Variants in FHIT observed in about 807,000 individuals in gnomAD.
The protein encoded by FHIT is bis(5'-adenosyl)-triphosphatase.
In FHIT, 19 loss-of-function variants were observed where a neutral mutation model predicts 17.9. That is an observed-to-expected ratio of 1.06 (90% CI 0.74 to 1.56). The LOEUF is 1.56. Ranked by LOEUF, FHIT falls within the 40% of genes most tolerant of loss-of-function variation. FHIT has a pLI of 0.00. For synonymous variants in FHIT, 81 were observed against 69.7 expected, an observed-to-expected ratio of 1.16 and a Z score of -0.81; for missense variants, 248 against 189.2, an observed-to-expected ratio of 1.31 and a Z score of -1.82.
intron 4 of FHIT, among the ~76,000 whole-genome samples, chr3:60,608,344 C>A (rs782206816): frequency 1.3e-5 from 2 of 152,118 alleles, no homozygotes; most frequent in African/African-American, 4.8e-5. Context: ...TCCTCAGGTG[C>A]TATGGCTGTT....
intron 3 of FHIT, among the ~76,000 whole-genome samples, chr3:60,855,351 A>G (rs1186681389): frequency 3.3e-5 from 5 of 152,108 alleles, no homozygotes; most frequent in African/African-American, 1.2e-4. Flanking sequence ...CCTTTGGTAA[A>G]AAGTCATAGT....
intron 5 of FHIT, among the ~76,000 whole-genome samples, chr3:60,442,138 G>C (rs1353026730): frequency 6.6e-6 from 1 of 151,874 alleles, no homozygotes; most frequent in Non-Finnish European, 1.5e-5. Context: ...GGGATTGCAG[G>C]CATAAGCCAC....
At chr3:61,106,808 G>A (rs1289169145) in intron 2 of FHIT, among the ~76,000 whole-genome samples, 2 of 152,078 alleles carry the variant, frequency 1.3e-5, no homozygotes, top group African/African-American at 2.4e-5. Context: ...CTACCGGCAT[G>A]AGCCACCACG....
rs138926939 is a variant in FHIT, at chr3:60,214,745, C to T, written c.104-200593G>A. 6.0e-3 allele frequency among the ~76,000 whole-genome samples: 915 copies of T among 152,202 alleles called. 6 individuals are homozygous for T. Among genetic ancestry groups the T allele is most frequent in the African/African-American group, 0.021 (863 of 41,524 alleles). On this transcript the variant is annotated intron_variant, in intron 5 of 9. Transcript: ENST00000492590. ...TTCATTGCAGTACTATTCACAATAG[C>T]AAAGACACGGAATCAACCAAGATGC... is the stretch of plus-strand genomic sequence containing the variant.
chr3:60,024,778 C>A (rs1011229610), intron 5 of FHIT, among the ~76,000 whole-genome samples: 3 of 152,242 alleles, frequency 2.0e-5, no homozygotes, highest in African/African-American at 4.8e-5. Flanking sequence ...CTAACTGGAT[C>A]TTCAGGAAAG....
At chr3:60,403,738 T>A (rs1368993374) in intron 5 of FHIT, among the ~76,000 whole-genome samples, 1 of 152,176 alleles carries the variant, frequency 6.6e-6, no homozygotes, top group Non-Finnish European at 1.5e-5. Flanking sequence ...ATCACATTTT[T>A]TGTCCAATCA....
intron 4 of FHIT, among the ~76,000 whole-genome samples, chr3:60,704,633 C>T (rs766564452): frequency 6.6e-6 from 1 of 152,078 alleles, no homozygotes; most frequent in African/African-American, 2.4e-5. Flanking sequence ...GAAAAATGAA[C>T]CTTTTTTTGC....
At chr3:60,459,382 CAA>C (rs1256758027) in intron 5 of FHIT, among the ~76,000 whole-genome samples, 1 of 152,060 alleles carries the variant, frequency 6.6e-6, no homozygotes, top group African/African-American at 2.4e-5. Flanking sequence ...TTAACTAAAA[CAA>C]AGAGTGGGTT....
At chr3:59,965,806 A>G (rs931614940) in intron 7 of FHIT, among the ~76,000 whole-genome samples, 8 of 152,196 alleles carry the variant, frequency 5.3e-5, no homozygotes, top group Non-Finnish European at 1.2e-4. Context: ...TCCTTTTATC[A>G]ACAAATGAAA....
intron 5 of FHIT, among the ~76,000 whole-genome samples, chr3:60,135,279 G>C (rs922932132): frequency 6.6e-6 from 1 of 152,092 alleles, no homozygotes; most frequent in Admixed American, 6.5e-5. Context: ...TCCTTAAAAT[G>C]CCTTCAGGGA....
intron 8 of FHIT, among the ~76,000 whole-genome samples, chr3:59,804,676 T>C (rs970346990): frequency 1.3e-5 from 2 of 152,150 alleles, no homozygotes; most frequent in Non-Finnish European, 2.9e-5. Context: ...GCGTATGCCC[T>C]ATGGAGAGGA....
chr3:60,650,846 T>G (rs971110169), intron 4 of FHIT, among the ~76,000 whole-genome samples: 1 of 152,070 alleles, frequency 6.6e-6, no homozygotes, highest in African/African-American at 2.4e-5. Context: ...ATCTGAAAAA[T>G]GCAACAAAAT....
intron 8 of FHIT, among the ~76,000 whole-genome samples, chr3:59,900,937 G>A (rs1032719397): frequency 3.3e-5 from 5 of 152,114 alleles, no homozygotes; most frequent in Non-Finnish European, 7.4e-5. Flanking sequence ...TAAAATCTAT[G>A]CAGTCCTTCT....
intron 3 of FHIT, among the ~76,000 whole-genome samples, chr3:60,970,207 T>G (rs1485192322): frequency 6.6e-6 from 1 of 152,198 alleles, no homozygotes; most frequent in East Asian, 1.9e-4. Context: ...GATTTGTATA[T>G]TTCTCTTTTT....
intron 8 of FHIT, among the ~76,000 whole-genome samples, chr3:59,836,512 C>T (rs1701345420): frequency 6.6e-6 from 1 of 152,158 alleles, no homozygotes; most frequent in African/African-American, 2.4e-5. Flanking sequence ...GAAGGCTGAC[C>T]TCTGCACATG....
intron 2 of FHIT, among the ~76,000 whole-genome samples, chr3:61,126,313 T>C (rs1333521833): frequency 1.3e-5 from 2 of 152,090 alleles, no homozygotes; most frequent in Non-Finnish European, 2.9e-5. Context: ...AGAAAGACAA[T>C]TGTATTAGTC....
chr3:61,075,612 A>G (rs986198634), intron 2 of FHIT, among the ~76,000 whole-genome samples: 6 of 152,148 alleles, frequency 3.9e-5, no homozygotes, highest in Admixed American at 2.6e-4. Flanking sequence ...ACCTTTTGAT[A>G]TAACTAGGGA....
At chr3:60,210,282 G>A (rs759084994) in intron 5 of FHIT, among the ~76,000 whole-genome samples, 5 of 152,090 alleles carry the variant, frequency 3.3e-5, no homozygotes, top group African/African-American at 4.8e-5. Context: ...CCATTCCTTA[G>A]ACTTTAAACC....
At chr3:60,232,609 G>T (rs11717164) in intron 5 of FHIT, among the ~76,000 whole-genome samples, 22,911 of 152,022 alleles carry the variant, frequency 0.15, 1,884 homozygotes, top group Admixed American at 0.21. Context: ...TCCCACATTC[G>T]CTGGGTTTCC....
Sources: gnomAD v4.1 joint callset for allele counts (sites outside exome capture counted in the v4.1 genomes callset) on GRCh38, gnomAD v4.1.1 for gene constraint, MANE v1.5 for transcripts, NCBI Gene and HGNC (gene_info 2026-07-23, HGNC 2026-07-21) for gene names.